Variants in NTRK3 observed in about 807,000 individuals in gnomAD.
NTRK3 encodes NT-3 growth factor receptor.
Under a neutral mutation model 91.7 loss-of-function variants are expected in NTRK3, and 24 were observed. The ratio of observed to expected loss-of-function variants is 0.26; its 90% confidence interval spans 0.19 to 0.37. The LOEUF (loss-of-function observed/expected upper bound fraction) is 0.37, where lower values mean the gene tolerates loss of function less well. Ranked by LOEUF, NTRK3 falls within the 10% of genes least tolerant of loss-of-function variation. The probability of loss-of-function intolerance (pLI) is 1.00; values close to 1 mark genes in which losing one functional copy is unlikely to be tolerated. For synonymous variants in NTRK3, 483 were observed against 404.0 expected, an observed-to-expected ratio of 1.20 and a Z score of -2.34; for missense variants, 880 against 1,068.9, an observed-to-expected ratio of 0.82 and a Z score of 2.46.
At chr15:88,211,212 C>T (rs1016290291) in intron 3 of NTRK3, among the ~76,000 whole-genome samples, 2 of 152,226 alleles carry the variant, frequency 1.3e-5, no homozygotes, top group African/African-American at 4.8e-5. Flanking sequence ...TCCCTGGCAA[C>T]TATGGATTTA....
intron 17 of NTRK3, among the ~76,000 whole-genome samples, chr15:87,892,708 T>C (rs182807331): frequency 1.7e-4 from 26 of 152,314 alleles, no homozygotes; most frequent in African/African-American, 6.3e-4. Context: ...TGTATGATCA[T>C]TGGCCATTAA....
intron 14 of NTRK3, among the ~76,000 whole-genome samples, chr15:87,990,479 A>G (rs746823490): frequency 1.1e-4 from 17 of 152,114 alleles, no homozygotes; most frequent in Non-Finnish European, 8.8e-5. Flanking sequence ...CAGATTATTT[A>G]TCTTGTTTTG....
At chr15:88,145,717 G>C (rs944579915) in intron 6 of NTRK3, among the ~76,000 whole-genome samples, 1 of 152,180 alleles carries the variant, frequency 6.6e-6, no homozygotes, top group Non-Finnish European at 1.5e-5. Flanking sequence ...GTCCCCTGGA[G>C]AGATGCCATC....
At chr15:87,870,312 T>C (rs1469862696) in exon 19 of NTRK3, 2 of 191,278 alleles carry the variant, frequency 1.0e-5, no homozygotes, top group Non-Finnish European at 2.2e-5. Flanking sequence ...AGACCACTAT[T>C]CTAAGTGAAG....
At chr15:88,089,000 A>T (rs2048763373) in intron 13 of NTRK3, among the ~76,000 whole-genome samples, 1 of 152,318 alleles carries the variant, frequency 6.6e-6, no homozygotes, top group East Asian at 1.9e-4. Context: ...TTCCTGACAC[A>T]GAGCTGATTA....
chr15:88,250,681 G>C (rs1381485337), intron 3 of NTRK3, among the ~76,000 whole-genome samples: 1 of 152,122 alleles, frequency 6.6e-6, no homozygotes, highest in Non-Finnish European at 1.5e-5. Context: ...AGAGCCAGGG[G>C]CTTCAGGACC....
At chr15:88,214,293 T>C (rs1254391499) in intron 3 of NTRK3, among the ~76,000 whole-genome samples, 3 of 152,142 alleles carry the variant, frequency 2.0e-5, no homozygotes, top group Non-Finnish European at 4.4e-5. Context: ...GAATCCTCTC[T>C]TGCCTCTTCC....
At chr15:87,884,511 C>A (rs1388537695) in intron 17 of NTRK3, among the ~76,000 whole-genome samples, 5 of 151,588 alleles carry the variant, frequency 3.3e-5, no homozygotes, top group South Asian at 2.1e-4. Flanking sequence ...TAACATACAG[C>A]CTTACATGTA....
intron 5 of NTRK3, among the ~76,000 whole-genome samples, chr15:88,149,619 G>A (rs528370846): frequency 9.6e-4 from 146 of 152,324 alleles, no homozygotes; most frequent in Admixed American, 2.0e-3. Context: ...TCAGAAAGGT[G>A]TGATAAAAGA....
exon 19 of NTRK3, chr15:87,877,094 A>G (rs1354393739): frequency 2.5e-6 from 4 of 1,613,964 alleles, no homozygotes; most frequent in Non-Finnish European, 3.4e-6. Context: ...GCTCCAAAAC[A>G]CGACCTTGGG....
chr15:88,189,700 T>C (rs996993308), intron 3 of NTRK3, among the ~76,000 whole-genome samples: 9 of 152,174 alleles, frequency 5.9e-5, no homozygotes, highest in African/African-American at 2.2e-4. Context: ...TGCCTCGGCC[T>C]CCCAAAGTGC....
chr15:88,015,411 T>C (rs918836005), intron 14 of NTRK3, among the ~76,000 whole-genome samples: 1 of 151,948 alleles, frequency 6.6e-6, no homozygotes, highest in Non-Finnish European at 1.5e-5. Flanking sequence ...CCCTGCCCCC[T>C]GTCTGCCTCC....
intron 17 of NTRK3, among the ~76,000 whole-genome samples, chr15:87,919,905 A>G (rs541032955): frequency 1.8e-4 from 27 of 152,232 alleles, no homozygotes; most frequent in Non-Finnish European, 3.7e-4. Flanking sequence ...GGTTAAGACA[A>G]CTTTGACGTT....
rs185704627 is a variant in NTRK3, at chr15:87,915,242, T to C, written c.2133+13949A>G. Among the ~76,000 whole-genome samples, 32 of 152,356 alleles carry C rather than the reference T, an allele frequency of 2.1e-4. 1 individual carries two copies. In the East Asian group the frequency reaches 4.8e-3, roughly 23 times the overall value. ...ATAATAATAAGCAGTAACCATCATA[T>C]AGCCAATGAAAGGAGAAAGGAGGTA... On this transcript the variant is annotated intron_variant, in intron 17 of 18. Transcript: ENST00000394480.
Position 88,237,363 on chromosome 15 carries a change from T to C in NTRK3, c.248+18543A>G, listed in dbSNP as rs1039854753. Among the ~76,000 whole-genome samples, 5 of 152,166 alleles carry C rather than the reference T, an allele frequency of 3.3e-5. No homozygotes were observed. The highest frequency in any genetic ancestry group is 7.4e-5 in the Non-Finnish European group (5 of 68,026). On this transcript the variant is annotated intron_variant, in intron 3 of 18. Transcript: ENST00000394480. The surrounding 1 kb of genome is among the most constrained non-coding windows in gnomAD (Gnocchi z 4.0). Reference sequence around the variant, plus strand: ...TTCCATAGCCCTATTTTGTGACCCATTGTTTTGGGAAGTTCTTTCTTACTG... The same window carrying C: ...TTCCATAGCCCTATTTTGTGACCCACTGTTTTGGGAAGTTCTTTCTTACTG...
chr15:88,183,398 T>G lies in NTRK3; in HGVS notation c.395+20A>C. The G allele has an allele frequency of 6.2e-7, 1 of 1,613,430 alleles. No homozygotes were observed. Among genetic ancestry groups the G allele is most frequent in the South Asian group, 1.1e-5 (1 of 91,068 alleles). ...GTACCTGCCATGTGCCCCCAATCCCTGCAGCCCAGCTCTACTCACATATAA... is the reference window on the plus strand; with the variant it reads ...GTACCTGCCATGTGCCCCCAATCCCGGCAGCCCAGCTCTACTCACATATAA... On this transcript the variant is annotated intron_variant, in intron 5 of 18. Coordinates refer to ENST00000394480, the Ensembl canonical transcript of NTRK3.
At chr15:88,188,772 C>T (rs1009889924) in intron 3 of NTRK3, among the ~76,000 whole-genome samples, 3 of 152,196 alleles carry the variant, frequency 2.0e-5, no homozygotes, top group Non-Finnish European at 2.9e-5. Flanking sequence ...CCTGCTGGAC[C>T]GTGGCCCAAG....
intron 14 of NTRK3, among the ~76,000 whole-genome samples, chr15:87,987,068 G>A (rs190489149): frequency 2.4e-4 from 37 of 152,372 alleles, no homozygotes; most frequent in African/African-American, 8.9e-4. Flanking sequence ...TCAGCTGGTA[G>A]TTGGGTAAAA....
intron 5 of NTRK3, among the ~76,000 whole-genome samples, chr15:88,163,206 C>A (rs902966998): frequency 2.6e-5 from 4 of 152,298 alleles, no homozygotes; most frequent in African/African-American, 7.2e-5. Flanking sequence ...TGGTAGCAAG[C>A]AATTCATATT....
Sources: allele counts gnomAD v4.1 joint callset (sites outside exome capture counted in the v4.1 genomes callset), GRCh38; gene constraint gnomAD v4.1.1; non-coding constraint Gnocchi (gnomAD v3.1); transcripts MANE v1.5; gene names NCBI Gene and HGNC (gene_info 2026-07-23, HGNC 2026-07-21).